The following GPR158 variants were observed in gnomAD, a reference collection of about 807,000 sequenced individuals.
The protein encoded by GPR158 is G protein-coupled receptor 158, also known as metabotropic glycine receptor.
In GPR158, 30 loss-of-function variants were observed where a neutral mutation model predicts 78.2. The ratio of observed to expected loss-of-function variants is 0.38; its 90% CI spans 0.29 to 0.52. GPR158 has a LOEUF of 0.52. GPR158 is among the 20% of genes least tolerant of loss of function. The pLI is 0.83. For missense variants in GPR158, 1,463 were observed against 1,523.5 expected (o/e 0.96, Z 0.66); for synonymous variants, 581 against 591.1 (o/e 0.98, Z 0.25).
chr10:25,443,782 T>A (rs1835101323), intron 4 of GPR158, among the ~76,000 whole-genome samples: 1 of 151,776 alleles, frequency 6.6e-6, no homozygotes, highest in Non-Finnish European at 1.5e-5. Flanking sequence ...ACTGAACACC[T>A]GCTGGTGTAC....
rs145229844 is a variant in GPR158, at chr10:25,304,591, A to G, written c.1008+83434A>G. On this transcript the variant is annotated intron_variant, in intron 2 of 10. Coordinates refer to ENST00000376351, the MANE Select transcript of GPR158 (RefSeq NM_020752.3). ...TATATAATATATATATGTAACATAT[A>G]TAACTCTATATATAGAGAGAGATTT... Among the ~76,000 whole-genome samples the G allele has an allele frequency of 2.2e-3, 334 of 152,166 alleles. 5 individuals carry two copies. The highest frequency in any genetic ancestry group is 0.017 in the East Asian group (90 of 5,178).
chr10:25,392,412 G>T (rs1193787846), intron 2 of GPR158, among the ~76,000 whole-genome samples: 1 of 152,238 alleles, frequency 6.6e-6, no homozygotes, highest in Non-Finnish European at 1.5e-5. Flanking sequence ...CAGGCTGAGT[G>T]GGCATAATGT....
At chr10:25,418,738 C>G (rs1253776659) in intron 4 of GPR158, among the ~76,000 whole-genome samples, 2 of 147,332 alleles carry the variant, frequency 1.4e-5, no homozygotes, top group Non-Finnish European at 3.0e-5. Context: ...CTGGAAGGAA[C>G]AGCAGCATAT....
chr10:25,414,984 CCT>C, intron 4 of GPR158, among the ~76,000 whole-genome samples: 1 of 152,090 alleles, frequency 6.6e-6, no homozygotes, highest in East Asian at 1.9e-4. Flanking sequence ...CTAGCTTTCT[CCT>C]CTGTAAAATG....
At chr10:25,596,849 C>T (rs1021852349) in intron 10 of GPR158, 60 bp downstream of exon 10, 26 of 1,483,496 alleles carry the variant, frequency 1.8e-5, no homozygotes, top group South Asian at 7.0e-5. Context: ...TACAGGCAGG[C>T]GTGTGTGGGT....
chr10:25,272,064 A>G (rs1854124751), intron 2 of GPR158, among the ~76,000 whole-genome samples: 2 of 152,182 alleles, frequency 1.3e-5, no homozygotes, highest in South Asian at 4.1e-4. Context: ...CCATCAGAGG[A>G]CTCAAAGGGT....
chr10:25,440,418 G>A (rs149516793), intron 4 of GPR158, among the ~76,000 whole-genome samples: 14 of 152,324 alleles, frequency 9.2e-5, no homozygotes, highest in Non-Finnish European at 1.8e-4. Context: ...CTTAATGTTT[G>A]TAGAAACAAA....
In GPR158 at chr10:25,176,207, T is replaced by G; in HGVS notation, c.787T>G (p.Phe263Val). 6.3e-7 allele frequency: 1 copy of G among 1,589,876 alleles called. No homozygotes were observed. The highest frequency in any genetic ancestry group is 8.6e-7 in the Non-Finnish European group (1 of 1,169,318). The change falls in exon 1 of 11, where the codon TTC becomes GTC. Residue 263 changes from phenylalanine to valine, a missense_variant. Coordinates refer to ENST00000376351, the MANE Select transcript of GPR158 (RefSeq NM_020752.3). This position sits in a 1 kb window ranked among gnomAD's most constrained non-coding sequence, Gnocchi z 6.3. ...KDGLGGDKSHFKWSPPYLECE... is the reference protein window; with the variant it reads ...KDGLGGDKSHVKWSPPYLECE... ...CGGGCTCGGCGGGGACAAGAGCCAC[T>G]TCAAGTGGTCTCCGCCTTATCTGGA...
rs181905809 is a variant in GPR158, at chr10:25,271,332, T to C, written c.1008+50175T>C. Among the ~76,000 whole-genome samples the C allele has an allele frequency of 3.5e-3, 540 of 152,338 alleles. 2 individuals are homozygous for C. Among genetic ancestry groups the C allele is most frequent in the African/African-American group, 0.013 (527 of 41,580 alleles). ...ATGCAATGATTTTTACTTATGTCTGTCTCTCTCACTAAACTTTAAGCTACA... is the reference window on the plus strand; with the variant it reads ...ATGCAATGATTTTTACTTATGTCTGCCTCTCTCACTAAACTTTAAGCTACA... On this transcript the variant is annotated intron_variant, in intron 2 of 10. Transcript: ENST00000376351.
intron 5 of GPR158, among the ~76,000 whole-genome samples, chr10:25,527,043 G>C (rs1267080541): frequency 6.6e-6 from 1 of 151,676 alleles, no homozygotes; most frequent in Admixed American, 6.6e-5. Flanking sequence ...CAGAAAAAAA[G>C]AGGGACATGT....
At chr10:25,539,639 A>G in intron 5 of GPR158, among the ~76,000 whole-genome samples, 1 of 151,968 alleles carries the variant, frequency 6.6e-6, no homozygotes, top group South Asian at 2.1e-4. Context: ...ATATTTTATA[A>G]TTTTTAAAAT....
At chr10:25,410,700 T>C (rs1834571653) in intron 3 of GPR158, among the ~76,000 whole-genome samples, 2 of 152,170 alleles carry the variant, frequency 1.3e-5, no homozygotes, top group Non-Finnish European at 2.9e-5. Flanking sequence ...CCCCAAGTGT[T>C]CTAGTGAGTT....
chr10:25,256,754 G>T lies in GPR158; in HGVS notation c.1008+35597G>T, dbSNP rs143791607. 2.5e-3 allele frequency among the ~76,000 whole-genome samples: 381 copies of T among 152,162 alleles called. 6 individuals carry two copies. The highest frequency in any genetic ancestry group is 0.022 in the Admixed American group (330 of 15,266). ...TTTAGTTGTCCTCCTTTGTTGTCCT[G>T]TTCCTTCCCTAATTAAACATATAGA... On this transcript the variant is annotated intron_variant, in intron 2 of 10. Transcript: ENST00000376351.
chr10:25,440,911 T>C (rs1270384244), intron 4 of GPR158, among the ~76,000 whole-genome samples: 2 of 152,174 alleles, frequency 1.3e-5, no homozygotes, highest in African/African-American at 4.8e-5. Flanking sequence ...AATTTTTAGC[T>C]CTAGGACCCA....
chr10:25,235,281 T>G (rs1202939815), intron 2 of GPR158, among the ~76,000 whole-genome samples: 1 of 152,210 alleles, frequency 6.6e-6, no homozygotes, highest in Non-Finnish European at 1.5e-5. Context: ...AAATTTTACT[T>G]CAATATCTCA....
intron 2 of GPR158, among the ~76,000 whole-genome samples, chr10:25,360,692 G>A (rs867323722): frequency 2.6e-5 from 4 of 152,054 alleles, no homozygotes; most frequent in African/African-American, 7.2e-5. Flanking sequence ...GTCAGGTAGC[G>A]TGATGCTTCC....
At chr10:25,195,783 A>G (rs1023304290) in intron 1 of GPR158, among the ~76,000 whole-genome samples, 1 of 152,178 alleles carries the variant, frequency 6.6e-6, no homozygotes, top group African/African-American at 2.4e-5. Context: ...TAGAATTTAT[A>G]ATTTCTAAGT....
intron 2 of GPR158, among the ~76,000 whole-genome samples, chr10:25,309,477 G>A (rs1854732723): frequency 6.6e-6 from 1 of 151,874 alleles, no homozygotes; most frequent in Non-Finnish European, 1.5e-5. Context: ...TATATGATTT[G>A]CAAATTTTTC....
At chr10:25,277,578 A>G (rs1854203130) in intron 2 of GPR158, among the ~76,000 whole-genome samples, 1 of 152,118 alleles carries the variant, frequency 6.6e-6, no homozygotes, top group South Asian at 2.1e-4. Flanking sequence ...AGTTGAAACG[A>G]AGGACATAAC....
Sources: allele counts gnomAD v4.1 joint callset (sites outside exome capture counted in the v4.1 genomes callset), GRCh38; gene constraint gnomAD v4.1.1; non-coding constraint Gnocchi (gnomAD v3.1); transcripts MANE v1.5; gene names NCBI Gene and HGNC (gene_info 2026-07-23, HGNC 2026-07-21).